SLC8A2: variants seen among roughly 807,000 people sequenced by gnomAD.
SLC8A2 encodes the protein solute carrier family 8 member A2.
In SLC8A2, 14 loss-of-function variants were observed where a neutral mutation model predicts 70.2. The observed-to-expected ratio is 0.20, with a 90% CI of 0.13 to 0.31. The LOEUF (loss-of-function observed/expected upper bound fraction) is 0.31, where lower values mean the gene tolerates loss of function less well. Among genes scored for constraint, SLC8A2 ranks in the 10% least tolerant of loss-of-function variants. The probability of loss-of-function intolerance (pLI) is 1.00; values close to 1 mark genes in which losing one functional copy is unlikely to be tolerated. For missense variants in SLC8A2, 779 were observed against 1,320.1 expected (o/e 0.59, Z 6.35); for synonymous variants, 575 against 594.3 (o/e 0.97, Z 0.47).
In SLC8A2 at chr19:47,429,006, A is replaced by ACCCATCCCCACC. The variant is rs1966912986; in HGVS notation, c.*1071_*1082dup. 1.4e-5 allele frequency: 1 copy of ACCCATCCCCACC among 70,274 alleles called. No homozygotes were observed. The highest frequency in any genetic ancestry group is 3.0e-5 in the Non-Finnish European group (1 of 33,222). 4.4% of individuals were successfully genotyped at this position (70,274 alleles called of 1,614,324 possible). A position where few individuals can be genotyped will look rare whatever the true frequency, so the allele number is the denominator to read the frequency against. On this transcript the variant is annotated 3_prime_UTR_variant, in exon 10 of 10. Transcript: ENST00000236877. ...TCCCTTGGCCCAGTCCCATCCCCCC[A>ACCCATCCCCACC]CCCATCCCCACCCCCCATCAGGCAG...
rs1433496282 is a variant in SLC8A2 at position 47,447,188 on chromosome 19, A to C, written c.1763+621T>G. Among the ~76,000 whole-genome samples, 3 of 140,440 alleles carry C rather than the reference A, an allele frequency of 2.1e-5. No homozygotes were observed. Among genetic ancestry groups the C allele is most frequent in the Non-Finnish European group, 3.1e-5 (2 of 65,060 alleles). The allele number at this position is 140,440 out of a possible 152,430, so 92.1% of individuals were successfully genotyped here. On this transcript the variant is annotated intron_variant, in intron 4 of 9. Coordinates refer to ENST00000236877, the MANE Select transcript of SLC8A2 (RefSeq NM_015063.3). The surrounding 1 kb of genome is among the most constrained non-coding windows in gnomAD (Gnocchi z 5.1). ...TAGGCCCCGCCTTCTTCCGCAGCCCACATCCATTTTCCCATTTCCTGATGT... is the reference window on the plus strand; with the variant it reads ...TAGGCCCCGCCTTCTTCCGCAGCCCCCATCCATTTTCCCATTTCCTGATGT...
Position 47,465,583 on chromosome 19 carries a change from T to A in SLC8A2, c.675+146A>T. 1.4e-6 allele frequency: 1 copy of A among 723,286 alleles called. No homozygotes were observed. The highest frequency in any genetic ancestry group is 2.8e-5 in the Admixed American group (1 of 35,136). The allele number at this position is 723,286 out of a possible 1,614,324, so 44.8% of individuals were successfully genotyped here. On this transcript the variant is annotated intron_variant, in intron 2 of 9. Coordinates refer to ENST00000236877, the MANE Select transcript of SLC8A2 (RefSeq NM_015063.3). The surrounding 1 kb of genome is among the most constrained non-coding windows in gnomAD (Gnocchi z 5.5). Reference sequence around the variant, plus strand: ...GGCTCAATTCCCTTGTGTAGTCTGGTGACCTGCACAACCGTACTTGGCAGC... The same window carrying A: ...GGCTCAATTCCCTTGTGTAGTCTGGAGACCTGCACAACCGTACTTGGCAGC...
rs1472512026 is a variant in SLC8A2, at chr19:47,447,722, G to C, written c.1763+87C>G. 7.4e-7 allele frequency: 1 copy of C among 1,351,772 alleles called. No individual in the cohort carries two copies. The highest frequency in any genetic ancestry group is 9.7e-7 in the Non-Finnish European group (1 of 1,028,862). 83.7% of individuals were successfully genotyped at this position (1,351,772 alleles called of 1,614,324 possible). ...AAGACCCGCCCACTATGTGGGCATG[G>C]CTCACCCAGGCCCCGCCCCTGAGCC... On this transcript the variant is annotated intron_variant, in intron 4 of 9. Coordinates refer to ENST00000236877, the MANE Select transcript of SLC8A2 (RefSeq NM_015063.3). This position sits in a 1 kb window ranked among gnomAD's most constrained non-coding sequence, Gnocchi z 5.1.
chr19:47,457,304 G>C lies in SLC8A2; in HGVS notation c.966C>G (p.Leu322=), dbSNP rs551347875. The C allele has an allele frequency of 6.5e-7, 1 of 1,545,462 alleles. No individual in the cohort carries two copies. The highest frequency in any genetic ancestry group is 2.5e-5 in the East Asian group (1 of 40,476). ...RREVIQILKD[L]KQKHPDKDLE... is the part of the protein sequence containing the mutation. The stretch of plus-strand genomic sequence containing the variant: ...GATCCTTGTCCGGGTGCTTCTGCTT[G>C]AGGTCCTTGAGGATCTGGATGACCT... Residue 322 remains leucine (L), a synonymous_variant, in exon 3 of 10, where the codon CTC becomes CTG. Coordinates refer to ENST00000236877, the MANE Select transcript of SLC8A2 (RefSeq NM_015063.3).
Position 47,429,960 on chromosome 19 carries a change from G to T in SLC8A2, c.*129C>A. On this transcript the variant is annotated 3_prime_UTR_variant, in exon 10 of 10. Transcript: ENST00000236877. ...GGCAATCAAAGCCAGGGGAGGGGGC[G>T]GAGAAGGGAGGCCGAGTCCCAGGAG... 1 of 895,002 alleles carries T rather than the reference G, an allele frequency of 1.1e-6. No homozygotes were observed. The highest frequency in any genetic ancestry group is 1.7e-6 in the Non-Finnish European group (1 of 600,766). 55.4% of individuals were successfully genotyped at this position (895,002 alleles called of 1,614,324 possible). A position where few individuals can be genotyped will look rare whatever the true frequency, so the allele number is the denominator to read the frequency against.
At chr19:47,461,734 A>G (rs1401987742) in intron 2 of SLC8A2, among the ~76,000 whole-genome samples, 1 of 152,234 alleles carries the variant, frequency 6.6e-6, no homozygotes, top group East Asian at 1.9e-4. Flanking sequence ...AATTGAACCT[A>G]CCATTATGTA....
At chr19:47,463,228 G>A (rs998693384) in intron 2 of SLC8A2, among the ~76,000 whole-genome samples, 2 of 151,744 alleles carry the variant, frequency 1.3e-5, no homozygotes, top group Admixed American at 1.3e-4. Flanking sequence ...CGCCTCCCGG[G>A]TTCACGCTAT....
At chr19:47,457,624 G>A (rs747489497) in intron 2 of SLC8A2, 30 bp from the exon 3 acceptor site, 52 of 1,450,582 alleles carry the variant, frequency 3.6e-5, no homozygotes, top group African/African-American at 2.6e-4. Context: ...GGGCGAGGCC[G>A]GGCGGGCCGC....
At chr19:47,461,857 A>G (rs1967399449) in intron 2 of SLC8A2, among the ~76,000 whole-genome samples, 1 of 152,090 alleles carries the variant, frequency 6.6e-6, no homozygotes, top group African/African-American at 2.4e-5. Flanking sequence ...GTCTTTCTAG[A>G]GCACCCACTA....
intron 7 of SLC8A2, 110 bp downstream of exon 7, chr19:47,437,739 G>A: frequency 7.3e-7 from 1 of 1,362,822 alleles, no homozygotes; most frequent in South Asian, 1.2e-5. Context: ...CCTGACGTGG[G>A]ACCCTTCTTT....
intron 2 of SLC8A2, among the ~76,000 whole-genome samples, chr19:47,460,593 A>G (rs1439987171): frequency 4.0e-5 from 6 of 151,894 alleles, no homozygotes; most frequent in Admixed American, 3.3e-4. Context: ...GTTACTCGGG[A>G]GGCTGAGGCA....
At chr19:47,436,205 C>T (rs1357389909) in intron 8 of SLC8A2, among the ~76,000 whole-genome samples, 1 of 152,164 alleles carries the variant, frequency 6.6e-6, no homozygotes, top group Non-Finnish European at 1.5e-5. Context: ...AGCTGGGAAG[C>T]CACCCCCTCC....
chr19:47,457,022 G>A lies in SLC8A2; in HGVS notation c.1248C>T (p.Val416=). ...LENCGSVLLS[V]TCQGGEGNST... ...TGTTGCCCTCGCCGCCCTGGCACGT[G>A]ACGGACAGCAGCACGGAGCCGCAGT... The change falls in exon 3 of 10, where the codon GTC becomes GTT. Residue 416 remains valine, a synonymous_variant. Coordinates refer to ENST00000236877, the MANE Select transcript of SLC8A2 (RefSeq NM_015063.3). 1 of 1,612,164 alleles carries A rather than the reference G, an allele frequency of 6.2e-7. No homozygotes were observed. Among genetic ancestry groups the A allele is most frequent in the East Asian group, 2.2e-5 (1 of 44,798 alleles).
rs767994401 is a variant in SLC8A2 at position 47,431,521 on chromosome 19, C to T, written c.2389+646G>A. ...AAAATTAGCTGGATGTGGTGGCGCA[C>T]GCCTGTAGTCTCAGCTGCTCAGGAG... On this transcript the variant is annotated intron_variant, in intron 9 of 9. Transcript: ENST00000236877. Among the ~76,000 whole-genome samples the T allele has an allele frequency of 1.8e-4, 28 of 151,976 alleles. No homozygotes were observed. The East Asian group carries it at 3.3e-3, about 18-fold the overall frequency.
rs973431444 is a variant in SLC8A2 at position 47,455,512 on chromosome 19, C to T, written c.1340+1418G>A. 5.3e-5 allele frequency among the ~76,000 whole-genome samples: 8 copies of T among 152,226 alleles called. No homozygotes were observed. In the East Asian group the frequency reaches 1.2e-3, roughly 22 times the overall value. ...ATGAGTTTTGTTCACCACTAGTCGC[C>T]GGTGCCAGATCTGTTTGTTTCTTGC... On this transcript the variant is annotated intron_variant, in intron 3 of 9. Transcript: ENST00000236877.
At chr19:47,434,122 C>T (rs1755877976) in intron 8 of SLC8A2, among the ~76,000 whole-genome samples, 2 of 152,250 alleles carry the variant, frequency 1.3e-5, no homozygotes, top group African/African-American at 2.4e-5. Context: ...CACTGCTGAA[C>T]GCATCCCTAA....
intron 3 of SLC8A2, among the ~76,000 whole-genome samples, chr19:47,451,882 G>C (rs1052649302): frequency 6.6e-6 from 1 of 152,178 alleles, no homozygotes; most frequent in Non-Finnish European, 1.5e-5. Context: ...TGGGAAGGCT[G>C]AGAAACTGAT....
At chr19:47,454,302 G>A (rs762305073) in intron 3 of SLC8A2, among the ~76,000 whole-genome samples, 21 of 152,184 alleles carry the variant, frequency 1.4e-4, no homozygotes, top group Non-Finnish European at 2.6e-4. Context: ...GAGTGGAAAG[G>A]TGAAAAGATA....
intron 1 of SLC8A2, among the ~76,000 whole-genome samples, chr19:47,470,813 G>A (rs1348130252): frequency 1.3e-5 from 2 of 152,110 alleles, no homozygotes; most frequent in Non-Finnish European, 2.9e-5. Flanking sequence ...GCCTCAGAAC[G>A]CCAGAAACAA....
Sources: gnomAD v4.1 joint callset for allele counts (sites outside exome capture counted in the v4.1 genomes callset) on GRCh38, gnomAD v4.1.1 for gene constraint, Gnocchi (gnomAD v3.1) non-coding constraint, MANE v1.5 for transcripts, NCBI Gene and HGNC (gene_info 2026-07-23, HGNC 2026-07-21) for gene names.